SPOCD1: variants seen among roughly 807,000 people sequenced by gnomAD.
SPOCD1 encodes the protein SPOC domain containing 1.
In SPOCD1, 64 loss-of-function variants were observed where a neutral mutation model predicts 92.2. That is an observed-to-expected ratio of 0.69 (90% CI 0.57 to 0.86). The LOEUF (loss-of-function observed/expected upper bound fraction) is 0.86. SPOCD1 is among the 40% of genes least tolerant of loss of function. The probability of loss-of-function intolerance (pLI) is 0.00; values close to 1 mark genes in which losing one functional copy is unlikely to be tolerated. For synonymous variants in SPOCD1, 578 were observed against 619.3 expected (o/e 0.93, Z 0.99); for missense variants, 1,360 against 1,543.1 (o/e 0.88, Z 1.99).
At position 31,794,242 on chromosome 1, in the gene SPOCD1, G is replaced by A. The variant is rs762551768; in HGVS notation, c.2272-7C>T. On this transcript the variant is annotated splice_region_variant and splice_polypyrimidine_tract_variant and intron_variant, in intron 10 of 15. Coordinates refer to ENST00000360482, the MANE Select transcript of SPOCD1 (RefSeq NM_144569.7). ...CCATGAACATCTGCGGTCCCTGGGA[G>A]GCAGAAGACAGAGGGGCAGGCTGAA... is the stretch of plus-strand genomic sequence containing the variant. 26 of 1,605,248 alleles carry A rather than the reference G, an allele frequency of 1.6e-5. No individual in the cohort carries two copies. Among genetic ancestry groups the A allele is most frequent in the Non-Finnish European group, 2.0e-5 (24 of 1,172,980 alleles).
Position 31,798,027 on chromosome 1 carries a change from C to T in SPOCD1, c.2145+180G>A, listed in dbSNP as rs1439339060. Among the ~76,000 whole-genome samples, 1 of 152,204 alleles carries T rather than the reference C, an allele frequency of 6.6e-6. No individual in the cohort carries two copies. The highest frequency in any genetic ancestry group is 2.4e-5 in the African/African-American group (1 of 41,444). On this transcript the variant is annotated intron_variant, in intron 9 of 15. Transcript: ENST00000360482. The surrounding 1 kb of genome is among the most constrained non-coding windows in gnomAD (Gnocchi z 4.1). The stretch of plus-strand genomic sequence containing the variant: ...AGTCCCTTTCATTTCCACCCCTTCT[C>T]CTGTTTCTCTTGTGGGGAGGGTCTC...
At chr1:31,800,670 C>T (rs1404083758) in intron 3 of SPOCD1, 53 bp from the exon 4 acceptor site, 6 of 1,451,298 alleles carry the variant, frequency 4.1e-6, no homozygotes, top group Non-Finnish European at 5.6e-6. Flanking sequence ...CTGTCCCCGC[C>T]TTCAGAGTGC....
chr1:31,808,696 C>A (rs1487282182), intron 2 of SPOCD1, among the ~76,000 whole-genome samples: 1 of 151,268 alleles, frequency 6.6e-6, no homozygotes, highest in Non-Finnish European at 1.5e-5. Flanking sequence ...TTAGCTAGTA[C>A]AGTAAGGAAA....
At chr1:31,807,189 C>A (rs1045972615) in intron 2 of SPOCD1, among the ~76,000 whole-genome samples, 2 of 148,972 alleles carry the variant, frequency 1.3e-5, no homozygotes, top group African/African-American at 2.5e-5. Flanking sequence ...GAATTTGAGA[C>A]CAGCCTGGCC....
chr1:31,809,827 G>A (rs1019091191), intron 2 of SPOCD1, among the ~76,000 whole-genome samples: 1 of 152,102 alleles, frequency 6.6e-6, no homozygotes, highest in South Asian at 2.1e-4. Context: ...CTTGGTCCCT[G>A]CCCTGGAGAA....
Position 31,799,855 on chromosome 1 carries a change from T to G in SPOCD1, c.1737A>C (p.Pro579=). The G allele has an allele frequency of 6.2e-7, 1 of 1,614,120 alleles. No individual in the cohort carries two copies. Residue 579 remains proline, a synonymous_variant, in exon 6 of 16, where the codon CCA becomes CCC. Coordinates refer to ENST00000360482, the MANE Select transcript of SPOCD1 (RefSeq NM_144569.7). ...SSDPACSQSG[P]MEAEEDSLPE... ...GAAGAGAATCCTCTTCAGCCTCCAT[T>G]GGGCCACTCTGTAGGGGAGGCGTGA...
At position 31,792,662 on chromosome 1, in the gene SPOCD1, A is replaced by G; in HGVS notation, c.2775+16T>C. The G allele has an allele frequency of 6.3e-7, 1 of 1,577,704 alleles. No homozygotes were observed. Among genetic ancestry groups the G allele is most frequent in the Non-Finnish European group, 8.6e-7 (1 of 1,160,040 alleles). On this transcript the variant is annotated intron_variant, in intron 14 of 15. Coordinates refer to ENST00000360482, the MANE Select transcript of SPOCD1 (RefSeq NM_144569.7). ...GGTACTAGGAAAAGAGGGGGTGCCC[A>G]AGAGTGGGCAGGTACCTTGGCCTTG... is the stretch of plus-strand genomic sequence containing the variant.
chr1:31,793,929 G>GGGC (rs746006149), intron 11 of SPOCD1, 32 bp from the exon 12 acceptor site: 1 of 1,595,814 alleles, frequency 6.3e-7, no homozygotes, highest in Admixed American at 1.7e-5. Flanking sequence ...GCTGAAACAG[G>GGGC]GGCAGCAGCA....
Position 31,798,888 on chromosome 1 carries a change from C to T in SPOCD1, c.1869-287G>A. ...ATTTGAAACTCGACTGTCTGACTCA[C>T]CAGCCTGTGCCCCGTCTCTGGCTCA... On this transcript the variant is annotated intron_variant, in intron 7 of 15. Coordinates refer to ENST00000360482, the MANE Select transcript of SPOCD1 (RefSeq NM_144569.7). The surrounding 1 kb of genome is among the most constrained non-coding windows in gnomAD (Gnocchi z 4.1). 5.3e-6 allele frequency: 3 copies of T among 568,510 alleles called. No homozygotes were observed. The highest frequency in any genetic ancestry group is 6.2e-6 in the Non-Finnish European group (2 of 321,944). 35.2% of individuals were successfully genotyped at this position (568,510 alleles called of 1,614,324 possible).
intron 3 of SPOCD1, among the ~76,000 whole-genome samples, chr1:31,801,149 C>T (rs565203819): frequency 2.6e-5 from 4 of 152,324 alleles, no homozygotes; most frequent in East Asian, 1.9e-4. Context: ...AAAGAAATCC[C>T]TTCATGACCA....
At position 31,800,800 on chromosome 1, in the gene SPOCD1, A is replaced by G. The variant is rs566169312; in HGVS notation, c.1426-183T>C. Among the ~76,000 whole-genome samples, 210 of 152,306 alleles carry G rather than the reference A, an allele frequency of 1.4e-3. 1 individual carries two copies. The highest frequency in any genetic ancestry group is 2.1e-3 in the Non-Finnish European group (146 of 68,018). ...GCAATGCTTGGAAAAGGCCTGGCAC[A>G]TAGTGTTCAGTGAAAGTTTGCTACC... is the stretch of plus-strand genomic sequence containing the variant. On this transcript the variant is annotated intron_variant, in intron 3 of 15. Coordinates refer to ENST00000360482, the MANE Select transcript of SPOCD1 (RefSeq NM_144569.7).
At chr1:31,802,482 G>A (rs1287893751) in intron 2 of SPOCD1, among the ~76,000 whole-genome samples, 4 of 152,186 alleles carry the variant, frequency 2.6e-5, no homozygotes, top group Non-Finnish European at 5.9e-5. Context: ...CAAAGCCCAA[G>A]CACTTAGCTG....
chr1:31,792,619 A>C (rs959837382), intron 14 of SPOCD1, 59 bp downstream of exon 14: 11 of 1,385,540 alleles, frequency 7.9e-6, no homozygotes, highest in Non-Finnish European at 1.1e-5. Context: ...CTAGAAGTGG[A>C]GAGGGAGGTG....
At chr1:31,811,061 A>C (rs1268773572) in intron 2 of SPOCD1, among the ~76,000 whole-genome samples, 1 of 152,216 alleles carries the variant, frequency 6.6e-6, no homozygotes, top group Non-Finnish European at 1.5e-5. Context: ...TGCCAGAAGA[A>C]TACAACACGG....
rs1649506004 is a variant in SPOCD1 at position 31,815,511 on chromosome 1, A to T, written c.-39-139T>A. On this transcript the variant is annotated intron_variant, in intron 1 of 15. Coordinates refer to ENST00000360482, the MANE Select transcript of SPOCD1 (RefSeq NM_144569.7). ...CCTGAGGCCTAGGGGTGAGCACTCC[A>T]GGGAGGGGAGCACCCAGCAGGAGCT... 5.8e-6 allele frequency: 3 copies of T among 520,196 alleles called. No individual in the cohort carries two copies. In the East Asian group the frequency reaches 9.7e-5, roughly 17 times the overall value. 32.2% of individuals were successfully genotyped at this position (520,196 alleles called of 1,614,324 possible).
intron 7 of SPOCD1, 66 bp downstream of exon 7, chr1:31,799,335 C>A (rs1031957369): frequency 7.1e-7 from 1 of 1,400,886 alleles, no homozygotes; most frequent in Non-Finnish European, 9.9e-7. Flanking sequence ...CATGGCAGGG[C>A]CCCGGAGGCG....
Position 31,814,476 on chromosome 1 carries a change from T to C in SPOCD1, c.858A>G (p.Gly286=). ...AGCASGTEKF[G]YLPATGDGPQ... ...GCCCATCCCCTGTAGCGGGCAAATA[T>C]CCAAATTTCTCAGTCCCTGAGGCAC... is the stretch of plus-strand genomic sequence containing the variant. The change falls in exon 2 of 16, where the codon GGA becomes GGG. Residue 286 remains glycine, a synonymous_variant. Transcript: ENST00000360482. The surrounding 1 kb of genome is among the most constrained non-coding windows in gnomAD (Gnocchi z 4.2). 6.4e-7 allele frequency: 1 copy of C among 1,572,266 alleles called. No individual in the cohort carries two copies. The highest frequency in any genetic ancestry group is 1.4e-5 in the African/African-American group (1 of 73,852).
intron 2 of SPOCD1, among the ~76,000 whole-genome samples, chr1:31,810,124 T>C (rs1649104993): frequency 6.6e-6 from 1 of 152,172 alleles, no homozygotes; most frequent in Non-Finnish European, 1.5e-5. Flanking sequence ...CTTCAGTCTG[T>C]ATTTCAATTC....
chr1:31,806,874 G>A (rs1024049024), intron 2 of SPOCD1, among the ~76,000 whole-genome samples: 18 of 151,920 alleles, frequency 1.2e-4, no homozygotes, highest in Admixed American at 1.3e-4. Flanking sequence ...TTAATGAAAT[G>A]TTTACTTTTT....
Sources: gnomAD v4.1 joint callset for allele counts (sites outside exome capture counted in the v4.1 genomes callset) on GRCh38, gnomAD v4.1.1 for gene constraint, Gnocchi (gnomAD v3.1) non-coding constraint, MANE v1.5 for transcripts, NCBI Gene and HGNC (gene_info 2026-07-23, HGNC 2026-07-21) for gene names.